EXD3: variants seen among roughly 807,000 people sequenced by gnomAD.
EXD3 encodes exonuclease 3'-5' domain containing 3.
A neutral mutation model predicts 98.0 loss-of-function variants in EXD3; 92 were observed. That is an observed-to-expected ratio of 0.94 (90% CI 0.79 to 1.12). The LOEUF (loss-of-function observed/expected upper bound fraction) is 1.12, where lower values mean the gene tolerates loss of function less well. Among genes scored for constraint, EXD3 ranks in the 50% most tolerant of loss-of-function variants. The pLI, the probability that EXD3 is intolerant of heterozygous loss-of-function variation, is 0.00. For synonymous variants in EXD3, 569 were observed against 526.0 expected (o/e 1.08, Z -1.12); for missense variants, 1,222 against 1,191.6 (o/e 1.03, Z -0.38).
In EXD3 at chr9:137,326,229, C is replaced by T. The variant is rs147453296; in HGVS notation, c.1999-2086G>A. Among the ~76,000 whole-genome samples the T allele has an allele frequency of 1.0e-3, 155 of 152,252 alleles. 1 individual carries two copies. The East Asian group carries it at 0.017, about 17-fold the overall frequency. The stretch of plus-strand genomic sequence containing the variant: ...GACCCTCATTACAGTGAAATGTACA[C>T]GTAGGACACTCTGGAGGAATAAAAC... On this transcript the variant is annotated intron_variant, in intron 17 of 21. Coordinates refer to ENST00000340951, the MANE Select transcript of EXD3 (RefSeq NM_017820.5).
intron 17 of EXD3, among the ~76,000 whole-genome samples, chr9:137,337,723 G>A (rs537624713): frequency 6.6e-6 from 1 of 151,968 alleles, no homozygotes; most frequent in East Asian, 1.9e-4. Context: ...TTGGGGGGTA[G>A]GTGGAGTGGG....
chr9:137,326,448 C>G (rs1156560678), intron 17 of EXD3, among the ~76,000 whole-genome samples: 3 of 152,146 alleles, frequency 2.0e-5, no homozygotes, highest in African/African-American at 7.2e-5. Flanking sequence ...ATGGCCTGAG[C>G]CTGGGAGGCT....
chr9:137,332,353 G>A (rs186971202), intron 17 of EXD3, among the ~76,000 whole-genome samples: 2 of 152,256 alleles, frequency 1.3e-5, no homozygotes, highest in Admixed American at 1.3e-4. Context: ...ACTTTGGGAG[G>A]CCGAGGCAGG....
intron 3 of EXD3, 66 bp downstream of exon 3, chr9:137,383,247 G>C (rs1458132255): frequency 2.2e-6 from 3 of 1,363,032 alleles, no homozygotes; most frequent in Non-Finnish European, 3.1e-6. Context: ...TGTTAGGCCA[G>C]TCTCTGCCCA....
intron 1 of EXD3, among the ~76,000 whole-genome samples, chr9:137,418,378 T>C (rs1413448188): frequency 6.6e-6 from 1 of 152,074 alleles, no homozygotes; most frequent in African/African-American, 2.4e-5. Flanking sequence ...CAAACAAACG[T>C]CTGAGTCATT....
intron 1 of EXD3, among the ~76,000 whole-genome samples, chr9:137,410,918 C>T (rs888034263): frequency 6.6e-5 from 10 of 151,728 alleles, no homozygotes; most frequent in Admixed American, 6.6e-4. Flanking sequence ...TGCTTTCCCA[C>T]AGAGCCTGGC....
chr9:137,411,023 G>C (rs1312330945), intron 1 of EXD3, among the ~76,000 whole-genome samples: 1 of 152,228 alleles, frequency 6.6e-6, no homozygotes, highest in Non-Finnish European at 1.5e-5. Context: ...GCAGATTTCG[G>C]TCATTGGCTG....
At chr9:137,412,131 G>A (rs1212918030) in intron 1 of EXD3, among the ~76,000 whole-genome samples, 3 of 152,354 alleles carry the variant, frequency 2.0e-5, no homozygotes, top group East Asian at 1.9e-4. Flanking sequence ...CCCAGGATGC[G>A]GCAAGGACAG....
intron 17 of EXD3, among the ~76,000 whole-genome samples, chr9:137,333,846 CT>C (rs1003431771): frequency 6.6e-6 from 1 of 150,720 alleles, no homozygotes; most frequent in South Asian, 2.1e-4. Flanking sequence ...CTTTTCTTTT[CT>C]TTTTTTTTGA....
Position 137,324,247 on chromosome 9 carries a change from C to T in EXD3, c.1999-104G>A. On this transcript the variant is annotated intron_variant, in intron 17 of 21. Coordinates refer to ENST00000340951, the MANE Select transcript of EXD3 (RefSeq NM_017820.5). The surrounding 1 kb of genome is among the most constrained non-coding windows in gnomAD (Gnocchi z 4.1). ...TAGCTCCCCGGATCGTGGCCCTGCC[C>T]CAGGCCCCTTTTGTCCTCCAGGGTG... The T allele has an allele frequency of 3.0e-6, 3 of 1,009,030 alleles. No individual in the cohort carries two copies. Among genetic ancestry groups the T allele is most frequent in the Non-Finnish European group, 4.5e-6 (3 of 674,060 alleles). 62.5% of individuals were successfully genotyped at this position (1,009,030 alleles called of 1,614,324 possible). A position where few individuals can be genotyped will look rare whatever the true frequency, so the allele number is the denominator to read the frequency against.
chr9:137,322,766 C>A (rs1160529281), intron 19 of EXD3, among the ~76,000 whole-genome samples: 2 of 82,244 alleles, frequency 2.4e-5, no homozygotes, highest in African/African-American at 5.9e-5. Context: ...CCACCGCGGA[C>A]CCCCGAGGGA....
At chr9:137,419,171 A>C (rs1838385903) in intron 1 of EXD3, among the ~76,000 whole-genome samples, 1 of 152,252 alleles carries the variant, frequency 6.6e-6, no homozygotes, top group Admixed American at 6.5e-5. Flanking sequence ...TAAATGTATT[A>C]TTAACATATG....
intron 17 of EXD3, among the ~76,000 whole-genome samples, chr9:137,342,845 G>A (rs1234601331): frequency 6.6e-6 from 1 of 152,224 alleles, no homozygotes; most frequent in Non-Finnish European, 1.5e-5. Context: ...GAAACGGCCA[G>A]GCACGGTGGC....
intron 10 of EXD3, chr9:137,354,045 C>T (rs576021705): frequency 1.0e-5 from 12 of 1,203,914 alleles, no homozygotes; most frequent in East Asian, 7.0e-5. Flanking sequence ...TCTCAGCCCC[C>T]ACCCGGCCCC....
chr9:137,337,874 A>G (rs9697006), intron 17 of EXD3, among the ~76,000 whole-genome samples: 2 of 150,908 alleles, frequency 1.3e-5, no homozygotes, highest in Non-Finnish European at 3.0e-5. Flanking sequence ...TGCAAGCTCC[A>G]CCTCCCGGGT....
intron 1 of EXD3, among the ~76,000 whole-genome samples, chr9:137,420,146 G>A (rs545879120): frequency 6.6e-6 from 1 of 151,670 alleles, no homozygotes; most frequent in South Asian, 2.1e-4. Context: ...GGCGACAGAG[G>A]GAGACTCCGC....
At chr9:137,369,428 C>T (rs1258684619) in intron 5 of EXD3, among the ~76,000 whole-genome samples, 3 of 152,158 alleles carry the variant, frequency 2.0e-5, no homozygotes, top group Admixed American at 1.3e-4. Flanking sequence ...GGTCACAACC[C>T]GCCCGCCCTC....
In EXD3 at chr9:137,377,582, G is replaced by A. The variant is rs565530538; in HGVS notation, c.121-3983C>T. On this transcript the variant is annotated intron_variant, in intron 3 of 21. Transcript: ENST00000340951. ...TGAGGTCAGAAGTTTAAGACCAGACGTGCTGATGCGCACCTTTAATCTCAG... is the reference window on the plus strand; with the variant it reads ...TGAGGTCAGAAGTTTAAGACCAGACATGCTGATGCGCACCTTTAATCTCAG... 1.8e-4 allele frequency among the ~76,000 whole-genome samples: 27 copies of A among 150,700 alleles called. No homozygotes were observed. In the East Asian group the frequency reaches 5.4e-3, roughly 30 times the overall value.
At chr9:137,411,707 G>C (rs1417351660) in intron 1 of EXD3, among the ~76,000 whole-genome samples, 2 of 140,558 alleles carry the variant, frequency 1.4e-5, no homozygotes, top group African/African-American at 2.6e-5. Flanking sequence ...GGGGGAGGTT[G>C]GGGGGAGGGG....
Sources: gnomAD v4.1 joint callset for allele counts (sites outside exome capture counted in the v4.1 genomes callset) on GRCh38, gnomAD v4.1.1 for gene constraint, Gnocchi (gnomAD v3.1) non-coding constraint, MANE v1.5 for transcripts, NCBI Gene and HGNC (gene_info 2026-07-23, HGNC 2026-07-21) for gene names.